Variants in POLR3G observed in about 807,000 individuals in gnomAD.
POLR3G encodes DNA-directed RNA polymerase III subunit RPC7.
Under a neutral mutation model 30.1 loss-of-function variants are expected in POLR3G, and 28 were observed. The observed-to-expected ratio is 0.93, with a 90% CI of 0.69 to 1.27. The LOEUF is 1.27. Ranked by LOEUF, POLR3G falls within the 50% of genes most tolerant of loss-of-function variation. POLR3G has a pLI of 0.00. For synonymous variants in POLR3G, 79 were observed against 82.5 expected (o/e 0.96, Z 0.23); for missense variants, 254 against 264.6 (o/e 0.96, Z 0.28).
intron 1 of POLR3G, among the ~76,000 whole-genome samples, chr5:90,480,050 G>A (rs1207071858): frequency 6.6e-6 from 1 of 152,222 alleles, no homozygotes; most frequent in Non-Finnish European, 1.5e-5. Context: ...GAAAGAATAT[G>A]ATTGATCAGT....
chr5:90,481,785 A>G (rs1202221825), intron 1 of POLR3G, among the ~76,000 whole-genome samples: 1 of 152,238 alleles, frequency 6.6e-6, no homozygotes, highest in Non-Finnish European at 1.5e-5. Flanking sequence ...AGAAATGTGA[A>G]TGTTAGTTCT....
At chr5:90,500,078 A>G (rs1472213826) in intron 5 of POLR3G, among the ~76,000 whole-genome samples, 1 of 152,146 alleles carries the variant, frequency 6.6e-6, no homozygotes, top group African/African-American at 2.4e-5. Context: ...TAATCAGTAA[A>G]AGCTCCCAAA....
At chr5:90,481,570 A>T (rs1006979490) in intron 1 of POLR3G, among the ~76,000 whole-genome samples, 9 of 152,170 alleles carry the variant, frequency 5.9e-5, no homozygotes, top group African/African-American at 2.2e-4. Flanking sequence ...CTGATTCAAA[A>T]TCTGCCTTTT....
At chr5:90,508,302 A>C (rs957475362) in intron 7 of POLR3G, among the ~76,000 whole-genome samples, 4 of 151,626 alleles carry the variant, frequency 2.6e-5, no homozygotes, top group African/African-American at 9.7e-5. Flanking sequence ...CTCTGCCTTC[A>C]AACTCAGTGT....
intron 7 of POLR3G, among the ~76,000 whole-genome samples, chr5:90,510,748 T>TAA (rs1322110148): frequency 6.6e-6 from 1 of 151,926 alleles, no homozygotes; most frequent in African/African-American, 2.4e-5. Flanking sequence ...TGCAGAAACT[T>TAA]AAAGTATCTA....
rs368789409 is a variant in POLR3G at position 90,484,840 on chromosome 5, G to A, written c.-43-685G>A. ...AGTTGAATGCAGACTTCTATTGAAA[G>A]AACTCTAGCGTAGGGATCCCTGTTT... On this transcript the variant is annotated intron_variant, in intron 1 of 7. Transcript: ENST00000651687. Among the ~76,000 whole-genome samples, 4 of 152,304 alleles carry A rather than the reference G, an allele frequency of 2.6e-5. No individual in the cohort carries two copies. The East Asian group carries it at 5.8e-4, about 22-fold the overall frequency.
chr5:90,498,155 A>ATGTG (rs560312338), intron 5 of POLR3G, among the ~76,000 whole-genome samples: 1 of 151,076 alleles, frequency 6.6e-6, no homozygotes, highest in African/African-American at 2.4e-5. Flanking sequence ...CCCCCCATGT[A>ATGTG]TGTGTGTGTG....
intron 4 of POLR3G, 45 bp downstream of exon 4, chr5:90,495,778 C>T (rs1751955365): frequency 2.6e-6 from 4 of 1,527,634 alleles, no homozygotes; most frequent in Non-Finnish European, 3.5e-6. Flanking sequence ...TAAAGGCTGT[C>T]TCTCTCACCT....
rs1484407367 is a variant in POLR3G at position 90,474,930 on chromosome 5, C to G, written c.-134C>G. 2.0e-5 allele frequency: 3 copies of G among 152,570 alleles called. No individual in the cohort carries two copies. The highest frequency in any genetic ancestry group is 4.8e-5 in the African/African-American group (2 of 41,462). The allele number at this position is 152,570 out of a possible 1,614,324, so 9.5% of individuals were successfully genotyped here. ...CTCCCGAGGTGGAACGGGCGGCAGT[C>G]AAGCGCCGGCGTTCTCTGCCGTCAC... On this transcript the variant is annotated 5_prime_UTR_variant, in exon 1 of 8. Transcript: ENST00000651687.
intron 1 of POLR3G, among the ~76,000 whole-genome samples, chr5:90,480,691 C>T (rs1334131598): frequency 6.6e-6 from 1 of 152,092 alleles, no homozygotes; most frequent in Admixed American, 6.6e-5. Context: ...TTTAGCAGGT[C>T]CTCCAGTTAA....
intron 1 of POLR3G, among the ~76,000 whole-genome samples, chr5:90,480,099 A>G (rs1006519139): frequency 6.6e-6 from 1 of 152,206 alleles, no homozygotes; most frequent in African/African-American, 2.4e-5. Context: ...AATGCTCAAT[A>G]TTGGTTGAAT....
chr5:90,482,291 A>G (rs1257065314), intron 1 of POLR3G, among the ~76,000 whole-genome samples: 1 of 152,216 alleles, frequency 6.6e-6, no homozygotes, highest in Non-Finnish European at 1.5e-5. Context: ...TCTTGCTTCT[A>G]ACCTCTGAAC....
chr5:90,486,392 A>G (rs185028490), intron 2 of POLR3G, among the ~76,000 whole-genome samples: 1 of 152,338 alleles, frequency 6.6e-6, no homozygotes, highest in Admixed American at 6.5e-5. Flanking sequence ...TGAGGAGATT[A>G]CCTCTAAACA....
intron 3 of POLR3G, among the ~76,000 whole-genome samples, chr5:90,488,743 T>C (rs138714546): frequency 2.0e-5 from 3 of 152,344 alleles, no homozygotes; most frequent in Admixed American, 1.3e-4. Context: ...TAAAAAAATT[T>C]TTGAGACTTA....
At chr5:90,489,674 A>T (rs1262148340) in intron 3 of POLR3G, among the ~76,000 whole-genome samples, 1 of 152,200 alleles carries the variant, frequency 6.6e-6, no homozygotes, top group African/African-American at 2.4e-5. Context: ...GACCAAATGA[A>T]CTAATCAGTA....
chr5:90,475,516 T>C (rs1392105851), intron 1 of POLR3G, among the ~76,000 whole-genome samples: 1 of 151,736 alleles, frequency 6.6e-6, no homozygotes, highest in Admixed American at 6.6e-5. Flanking sequence ...TTTATTTTGG[T>C]TTGTCTGCCC....
intron 1 of POLR3G, among the ~76,000 whole-genome samples, chr5:90,476,525 T>A (rs1015754555): frequency 6.6e-6 from 1 of 151,890 alleles, no homozygotes; most frequent in Non-Finnish European, 1.5e-5. Context: ...CTCAGCAGAG[T>A]AATATAGGGC....
chr5:90,501,586 T>C (rs570687942), intron 5 of POLR3G, among the ~76,000 whole-genome samples: 1 of 152,290 alleles, frequency 6.6e-6, no homozygotes, highest in African/African-American at 2.4e-5. Flanking sequence ...TCTTGGTACT[T>C]CTCTATCTGA....
intron 6 of POLR3G, among the ~76,000 whole-genome samples, chr5:90,503,745 C>T (rs542446919): frequency 3.9e-5 from 6 of 152,106 alleles, no homozygotes; most frequent in Admixed American, 2.0e-4. Context: ...ATAGAGCATT[C>T]GTGGATGGAG....
Sources: allele counts gnomAD v4.1 joint callset (sites outside exome capture counted in the v4.1 genomes callset), GRCh38; gene constraint gnomAD v4.1.1; transcripts MANE v1.5; gene names NCBI Gene and HGNC (gene_info 2026-07-23, HGNC 2026-07-21).